The following RRAS2 variants were observed in gnomAD, a reference collection of about 807,000 sequenced individuals.
The protein encoded by RRAS2 is ras-related protein R-Ras2.
Under a neutral mutation model 27.6 loss-of-function variants are expected in RRAS2, and 7 were observed. The ratio of observed to expected loss-of-function variants is 0.25; its 90% CI spans 0.14 to 0.48. The LOEUF (loss-of-function observed/expected upper bound fraction) is 0.48, where lower values mean the gene tolerates loss of function less well. Ranked by LOEUF, RRAS2 falls within the 20% of genes least tolerant of loss-of-function variation. RRAS2 has a pLI of 0.99. For synonymous variants in RRAS2, 86 were observed against 90.9 expected (o/e 0.95, Z 0.31); for missense variants, 178 against 256.2 (o/e 0.69, Z 2.08).
chr11:14,362,173 T>C (rs1384520357), upstream of RRAS2, among the ~76,000 whole-genome samples: 2 of 152,196 alleles, frequency 1.3e-5, no homozygotes, highest in East Asian at 1.9e-4. Flanking sequence ...TCTGTAAATA[T>C]ACTAAAAACA....
At chr11:14,304,011 C>T (rs933762126) in intron 1 of RRAS2, among the ~76,000 whole-genome samples, 2 of 152,132 alleles carry the variant, frequency 1.3e-5, no homozygotes, top group African/African-American at 2.4e-5. Context: ...TCTAGGTGGC[C>T]GAGCACAGTG....
intron 1 of RRAS2, among the ~76,000 whole-genome samples, chr11:14,331,702 T>C (rs373479209): frequency 6.8e-6 from 1 of 146,820 alleles, no homozygotes; most frequent in African/African-American, 2.5e-5. Context: ...AAAAAAGTTC[T>C]GGCAAGTCTA....
chr11:14,339,914 G>C (rs1848665640), intron 1 of RRAS2, among the ~76,000 whole-genome samples: 1 of 151,800 alleles, frequency 6.6e-6, no homozygotes, highest in South Asian at 2.1e-4. Flanking sequence ...AGGAGTTCGA[G>C]ACCAGCCTGG....
intron 1 of RRAS2, among the ~76,000 whole-genome samples, chr11:14,345,416 G>A (rs1848808937): frequency 1.3e-5 from 2 of 152,136 alleles, no homozygotes; most frequent in African/African-American, 4.8e-5. Context: ...ATAACTAAGA[G>A]ACATAGATAC....
At chr11:14,286,079 G>A (rs1727566846) in intron 4 of RRAS2, among the ~76,000 whole-genome samples, 1 of 152,064 alleles carries the variant, frequency 6.6e-6, no homozygotes, top group African/African-American at 2.4e-5. Context: ...GTTTGATTTG[G>A]ATCTGTTTAC....
intron 4 of RRAS2, among the ~76,000 whole-genome samples, chr11:14,291,380 A>G (rs1442027279): frequency 6.6e-6 from 1 of 152,146 alleles, no homozygotes; most frequent in Non-Finnish European, 1.5e-5. Flanking sequence ...AAAGGAAGAA[A>G]AAGCATAAGG....
At chr11:14,292,640 T>C (rs1847431381) in intron 4 of RRAS2, among the ~76,000 whole-genome samples, 1 of 152,152 alleles carries the variant, frequency 6.6e-6, no homozygotes, top group Admixed American at 6.5e-5. Context: ...AGGTTTATAA[T>C]GTAAGCAATG....
At chr11:14,299,199 T>G (rs1847633339) in intron 1 of RRAS2, among the ~76,000 whole-genome samples, 1 of 152,218 alleles carries the variant, frequency 6.6e-6, no homozygotes, top group African/African-American at 2.4e-5. Context: ...GAATTAGTGT[T>G]TTTTACTCAA....
At chr11:14,294,248 A>G (rs1349822571) in intron 4 of RRAS2, among the ~76,000 whole-genome samples, 2 of 152,228 alleles carry the variant, frequency 1.3e-5, no homozygotes, top group Non-Finnish European at 2.9e-5. Flanking sequence ...ATGAAAAACT[A>G]TTTGAAAATA....
At chr11:14,359,492 GGA>G (rs1248833293), upstream of RRAS2, among the ~76,000 whole-genome samples, 1 of 152,222 alleles carries the variant, frequency 6.6e-6, no homozygotes, top group Non-Finnish European at 1.5e-5. Flanking sequence ...CAATTTTATA[GGA>G]GAGTACATAC....
At chr11:14,286,777 C>A (rs1214909724) in intron 4 of RRAS2, among the ~76,000 whole-genome samples, 1 of 152,222 alleles carries the variant, frequency 6.6e-6, no homozygotes, top group Non-Finnish European at 1.5e-5. Flanking sequence ...TTTAAATTTA[C>A]CTTGTCTCTC....
intron 5 of RRAS2, 32 bp from the exon 6 acceptor site, chr11:14,279,456 C>T: frequency 6.8e-7 from 1 of 1,464,604 alleles, no homozygotes; most frequent in Non-Finnish European, 9.6e-7. Flanking sequence ...AATATAATTG[C>T]CTTCTTGGTA....
At chr11:14,280,527 AC>A (rs1849496222) in intron 5 of RRAS2, among the ~76,000 whole-genome samples, 2 of 151,920 alleles carry the variant, frequency 1.3e-5, no homozygotes, top group South Asian at 4.2e-4. Flanking sequence ...GGAGTTCGAG[AC>A]CAGCCTGGCC....
chr11:14,351,198 C>CTA (rs1394767484), intron 1 of RRAS2, among the ~76,000 whole-genome samples: 4 of 152,128 alleles, frequency 2.6e-5, no homozygotes, highest in African/African-American at 9.7e-5. Context: ...TGAGGGGACT[C>CTA]TATAAGTAAC....
At chr11:14,352,728 A>C (rs1848981696) in intron 1 of RRAS2, among the ~76,000 whole-genome samples, 3 of 150,910 alleles carry the variant, frequency 2.0e-5, no homozygotes, top group Non-Finnish European at 4.4e-5. Context: ...CTTTAATTTG[A>C]AAAAGAAACT....
intron 1 of RRAS2, among the ~76,000 whole-genome samples, chr11:14,328,366 C>CAAAAA (rs71041596): frequency 1.4e-3 from 98 of 67,636 alleles, no homozygotes; most frequent in Middle Eastern, 9.6e-3. Flanking sequence ...AACTCCAACT[C>CAAAAA]AAAAAAAAAA....
At chr11:14,363,713 G>C (rs537981985), upstream of RRAS2, among the ~76,000 whole-genome samples, 1 of 152,116 alleles carries the variant, frequency 6.6e-6, no homozygotes, top group Non-Finnish European at 1.5e-5. Flanking sequence ...GGAGGTTGCA[G>C]TGAGCAGAGA....
chr11:14,339,293 A>AGGGG (rs549908438), intron 1 of RRAS2, among the ~76,000 whole-genome samples: 9 of 63,924 alleles, frequency 1.4e-4, no homozygotes, highest in African/African-American at 4.9e-4. Flanking sequence ...AAAAAAAAAA[A>AGGGG]GGGGGGGGGG....
chr11:14,305,804 G>C (rs920106902), intron 1 of RRAS2, among the ~76,000 whole-genome samples: 1 of 152,130 alleles, frequency 6.6e-6, no homozygotes, highest in African/African-American at 2.4e-5. Context: ...CAATACTTTG[G>C]AAGGCTAAGG....
Sources: allele counts gnomAD v4.1 joint callset (sites outside exome capture counted in the v4.1 genomes callset), GRCh38; gene constraint gnomAD v4.1.1; transcripts MANE v1.5; gene names NCBI Gene and HGNC (gene_info 2026-07-23, HGNC 2026-07-21).